UBAP2: variants seen among roughly 807,000 people sequenced by gnomAD.
The protein encoded by UBAP2 is ubiquitin associated protein 2, also known as ubiquitin-associated protein 2.
Under a neutral mutation model 139.6 loss-of-function variants are expected in UBAP2, and 75 were observed. The observed-to-expected ratio is 0.54, with a 90% CI of 0.45 to 0.65. The LOEUF is 0.65. Ranked by LOEUF, UBAP2 falls within the 30% of genes least tolerant of loss-of-function variation. The pLI is 0.00. For missense variants in UBAP2, 1,368 were observed against 1,369.6 expected, an observed-to-expected ratio of 1.00 and a Z score of 0.02; for synonymous variants, 526 against 526.2, an observed-to-expected ratio of 1.00 and a Z score of 0.01.
At chr9:33,965,977 G>A (rs1827417584) in intron 8 of UBAP2, among the ~76,000 whole-genome samples, 1 of 151,296 alleles carries the variant, frequency 6.6e-6, no homozygotes. Context: ...GTGAACCCGG[G>A]AGGCAGAGCC....
intron 15 of UBAP2, 51 bp downstream of exon 15, chr9:33,943,367 TTG>T: frequency 6.4e-7 from 1 of 1,557,602 alleles, no homozygotes; most frequent in Non-Finnish European, 8.8e-7. Context: ...TTTCCACCAG[TTG>T]ATCTCTCTTA....
chr9:33,945,908 T>C (rs1375009817), intron 13 of UBAP2, among the ~76,000 whole-genome samples: 1 of 152,234 alleles, frequency 6.6e-6, no homozygotes, highest in African/African-American at 2.4e-5. Context: ...TAAGATATTT[T>C]GTGCAAGTAC....
At chr9:33,980,727 G>T (rs1820588950) in intron 6 of UBAP2, among the ~76,000 whole-genome samples, 1 of 151,860 alleles carries the variant, frequency 6.6e-6, no homozygotes, top group African/African-American at 2.4e-5. Context: ...AGTTTGAGGT[G>T]GGCGGGTTGT....
At chr9:33,937,355 C>T (rs1824643804) in intron 16 of UBAP2, among the ~76,000 whole-genome samples, 1 of 151,818 alleles carries the variant, frequency 6.6e-6, no homozygotes, top group African/African-American at 2.4e-5. Flanking sequence ...ACCCGTAGTC[C>T]CAGCACTATG....
At chr9:33,989,703 AT>A (rs1035640158) in intron 4 of UBAP2, among the ~76,000 whole-genome samples, 2 of 152,142 alleles carry the variant, frequency 1.3e-5, no homozygotes, top group African/African-American at 4.8e-5. Context: ...TCCTATGCAA[AT>A]TTAGGAATAC....
chr9:34,007,421 A>AGG (rs576756302), intron 2 of UBAP2, among the ~76,000 whole-genome samples: 1 of 151,334 alleles, frequency 6.6e-6, no homozygotes, highest in African/African-American at 2.4e-5. Flanking sequence ...TCTTGAGCCT[A>AGG]GGGGGGTCAA....
At chr9:34,034,681 T>C (rs1342859459) in intron 1 of UBAP2, among the ~76,000 whole-genome samples, 2 of 152,132 alleles carry the variant, frequency 1.3e-5, no homozygotes, top group Non-Finnish European at 2.9e-5. Flanking sequence ...AAGACCATCC[T>C]GGCTAACATG....
At chr9:34,018,102 G>A (rs1332835881) in intron 1 of UBAP2, among the ~76,000 whole-genome samples, 1 of 151,578 alleles carries the variant, frequency 6.6e-6, no homozygotes, top group African/African-American at 2.4e-5. Flanking sequence ...TGGGAAGACT[G>A]CTTGAGCCCA....
At chr9:33,947,066 G>A (rs1297887077) in intron 13 of UBAP2, among the ~76,000 whole-genome samples, 1 of 152,128 alleles carries the variant, frequency 6.6e-6, no homozygotes, top group East Asian at 1.9e-4. Flanking sequence ...TTCCTTCTAG[G>A]AATCTGTAAT....
chr9:33,948,940 G>A, intron 12 of UBAP2: 1 of 196,194 alleles, frequency 5.1e-6, no homozygotes, highest in South Asian at 9.6e-5. Flanking sequence ...ACAAGGTCAG[G>A]CGGATCACGA....
intron 16 of UBAP2, among the ~76,000 whole-genome samples, chr9:33,938,405 CCAGA>C (rs1299015180): frequency 2.6e-5 from 4 of 151,942 alleles, no homozygotes; most frequent in African/African-American, 9.7e-5. Context: ...TGCTGGGGTT[CCAGA>C]CATAAGCCAC....
chr9:34,032,890 TGG>T (rs772538524), intron 1 of UBAP2, among the ~76,000 whole-genome samples: 119 of 141,652 alleles, frequency 8.4e-4, no homozygotes, highest in Non-Finnish European at 1.4e-3. Flanking sequence ...TACTCTGGCC[TGG>T]GCAACAGAGC....
At chr9:33,950,058 A>ATTTCT (rs910026956) in intron 12 of UBAP2, among the ~76,000 whole-genome samples, 1 of 144,722 alleles carries the variant, frequency 6.9e-6, no homozygotes, top group Non-Finnish European at 1.5e-5. Context: ...CAAAAATAAC[A>ATTTCT]TTTCTTTTCT....
At chr9:33,938,146 A>G (rs1472574117) in intron 16 of UBAP2, among the ~76,000 whole-genome samples, 4 of 151,816 alleles carry the variant, frequency 2.6e-5, no homozygotes, top group Non-Finnish European at 5.9e-5. Flanking sequence ...ACAGGTCTGT[A>G]CCATCACACC....
chr9:33,973,241 T>A lies in UBAP2; in HGVS notation c.521-4A>T, dbSNP rs762464354. On this transcript the variant is annotated splice_region_variant and splice_polypyrimidine_tract_variant and intron_variant, in intron 6 of 28. Transcript: ENST00000379238. ...CTCCCTCTGCCACGTCCAAATCCTTTAAAAAAACACACAATTATAGTATAA... is the reference window on the plus strand; with the variant it reads ...CTCCCTCTGCCACGTCCAAATCCTTAAAAAAAACACACAATTATAGTATAA... The A allele has an allele frequency of 5.1e-5, 82 of 1,613,570 alleles. No individual in the cohort carries two copies. In the East Asian group the frequency reaches 1.7e-3, roughly 33 times the overall value.
chr9:33,980,845 G>A (rs894803256), intron 6 of UBAP2, among the ~76,000 whole-genome samples: 7 of 151,178 alleles, frequency 4.6e-5, no homozygotes, highest in African/African-American at 1.7e-4. Flanking sequence ...TACTAGGGAC[G>A]CTGAGGTGGG....
At chr9:34,007,195 T>G (rs1416167175) in intron 2 of UBAP2, among the ~76,000 whole-genome samples, 1 of 152,150 alleles carries the variant, frequency 6.6e-6, no homozygotes, top group Admixed American at 6.6e-5. Context: ...TGGCTAGAAG[T>G]TCTAGTACTC....
chr9:33,933,487 T>A lies in UBAP2; in HGVS notation c.2108+3A>T. ...TCACTTTGGGCCCACACCTTCCCCA[T>A]ACCTGCTAAGCTGAGAGAGAGGGCT... On this transcript the variant is annotated splice_donor_region_variant and intron_variant, in intron 18 of 28. Transcript: ENST00000379238. 1 of 1,613,496 alleles carries A rather than the reference T, an allele frequency of 6.2e-7. No individual in the cohort carries two copies. The highest frequency in any genetic ancestry group is 8.5e-7 in the Non-Finnish European group (1 of 1,179,848).
intron 18 of UBAP2, among the ~76,000 whole-genome samples, 183 bp downstream of exon 18, chr9:33,933,306 GT>G (rs1424040231): frequency 6.6e-6 from 1 of 152,184 alleles, no homozygotes; most frequent in African/African-American, 2.4e-5. Flanking sequence ...AGCAGGCAAG[GT>G]TTCCATATCT....
Sources: allele counts gnomAD v4.1 joint callset (sites outside exome capture counted in the v4.1 genomes callset), GRCh38; gene constraint gnomAD v4.1.1; transcripts MANE v1.5; gene names NCBI Gene and HGNC (gene_info 2026-07-23, HGNC 2026-07-21).